PAK2: variants seen among roughly 807,000 people sequenced by gnomAD.
PAK2 encodes the protein serine/threonine-protein kinase PAK 2.
In PAK2, 21 loss-of-function variants were observed where a neutral mutation model predicts 65.9. That is an observed-to-expected ratio of 0.32 (90% CI 0.23 to 0.46). The LOEUF (loss-of-function observed/expected upper bound fraction) is 0.46, where lower values mean the gene tolerates loss of function less well. PAK2 is among the 20% of genes least tolerant of loss of function. The probability of loss-of-function intolerance (pLI) is 1.00; values close to 1 mark genes in which losing one functional copy is unlikely to be tolerated. For missense variants in PAK2, 324 were observed against 642.6 expected (o/e 0.50, Z 5.36); for synonymous variants, 204 against 219.7 (o/e 0.93, Z 0.63).
intron 1 of PAK2, among the ~76,000 whole-genome samples, chr3:196,753,072 G>A (rs1220385616): frequency 2.0e-5 from 3 of 148,422 alleles, no homozygotes; most frequent in Admixed American, 6.7e-5. Flanking sequence ...TCCGCCTCCC[G>A]AGTTCAGGCC....
intron 8 of PAK2, among the ~76,000 whole-genome samples, chr3:196,811,326 C>CCTTCCCTTCCCTCCCTT (rs767093966): frequency 4.5e-4 from 2 of 4,402 alleles, no homozygotes; most frequent in African/African-American, 2.3e-3. Flanking sequence ...TTCCTTCCTT[C>CCTTCCCTTCCCTCCCTT]CCTTCCCTCC....
intron 1 of PAK2, among the ~76,000 whole-genome samples, chr3:196,745,982 CTT>C (rs747502229): frequency 6.9e-6 from 1 of 145,288 alleles, no homozygotes; most frequent in Admixed American, 6.9e-5. Flanking sequence ...AATATTTAAC[CTT>C]TTTTTTTTTT....
At chr3:196,815,367 C>T (rs1478390270) in intron 11 of PAK2, among the ~76,000 whole-genome samples, 5 of 151,552 alleles carry the variant, frequency 3.3e-5, no homozygotes, top group African/African-American at 7.3e-5. Context: ...TGGTGCACGC[C>T]TGTAATCCCA....
chr3:196,776,558 A>G (rs1714541621), intron 1 of PAK2, among the ~76,000 whole-genome samples: 1 of 152,252 alleles, frequency 6.6e-6, no homozygotes, highest in African/African-American at 2.4e-5. Flanking sequence ...AGAGTTTTAG[A>G]AAACTTGTAT....
At chr3:196,746,421 A>G (rs184791748) in intron 1 of PAK2, among the ~76,000 whole-genome samples, 127 of 152,310 alleles carry the variant, frequency 8.3e-4, no homozygotes, top group Non-Finnish European at 2.8e-4. Flanking sequence ...CAAAGGTATC[A>G]CAAGGTATAT....
chr3:196,744,354 T>G (rs941777834), intron 1 of PAK2, among the ~76,000 whole-genome samples: 1 of 152,220 alleles, frequency 6.6e-6, no homozygotes, highest in African/African-American at 2.4e-5. Context: ...ATTTTAAATT[T>G]AAATTCTAAA....
At chr3:196,767,229 A>AG (rs1714198631) in intron 1 of PAK2, among the ~76,000 whole-genome samples, 1 of 152,166 alleles carries the variant, frequency 6.6e-6, no homozygotes, top group South Asian at 2.1e-4. Flanking sequence ...CTACAGTGAC[A>AG]GCCTAGTGCA....
chr3:196,740,863 C>G (rs1713168569), intron 1 of PAK2, among the ~76,000 whole-genome samples: 1 of 151,466 alleles, frequency 6.6e-6, no homozygotes, highest in Non-Finnish European at 1.5e-5. Flanking sequence ...CACACGCACG[C>G]ACAAACACAA....
At chr3:196,800,293 A>C (rs1049476849) in intron 2 of PAK2, among the ~76,000 whole-genome samples, 4 of 152,010 alleles carry the variant, frequency 2.6e-5, no homozygotes, top group African/African-American at 9.7e-5. Flanking sequence ...GAGGTAGGAG[A>C]ATTGCTTGAA....
intron 1 of PAK2, among the ~76,000 whole-genome samples, chr3:196,744,154 T>C (rs1485901829): frequency 6.6e-6 from 1 of 152,120 alleles, no homozygotes; most frequent in Non-Finnish European, 1.5e-5. Context: ...TGAGGATCCT[T>C]TGAGTCCAGG....
chr3:196,777,603 G>C (rs1034824311), intron 1 of PAK2, among the ~76,000 whole-genome samples: 1 of 152,152 alleles, frequency 6.6e-6, no homozygotes, highest in Non-Finnish European at 1.5e-5. Context: ...AAGTGTAAAG[G>C]GTCTTGTGGC....
At chr3:196,761,858 G>A (rs1382985342) in intron 1 of PAK2, among the ~76,000 whole-genome samples, 12 of 149,730 alleles carry the variant, frequency 8.0e-5, no homozygotes, top group African/African-American at 2.9e-4. Context: ...CTCCCTCCCG[G>A]ACGGGGTGGC....
At chr3:196,778,011 A>G (rs191121318) in intron 1 of PAK2, among the ~76,000 whole-genome samples, 82 of 152,210 alleles carry the variant, frequency 5.4e-4, no homozygotes, top group African/African-American at 1.9e-3. Context: ...CGTCCCCCAG[A>G]GAAACTTGAT....
intron 1 of PAK2, among the ~76,000 whole-genome samples, chr3:196,774,107 C>T (rs1044025290): frequency 6.6e-6 from 1 of 152,180 alleles, no homozygotes; most frequent in Admixed American, 6.5e-5. Context: ...CTAATACATG[C>T]ACAGTACCTG....
chr3:196,801,062 G>A (rs1303898467), intron 2 of PAK2, among the ~76,000 whole-genome samples: 1 of 151,946 alleles, frequency 6.6e-6, no homozygotes, highest in African/African-American at 2.4e-5. Flanking sequence ...ATTTACAATC[G>A]GACCATAGAA....
chr3:196,751,448 G>C (rs1284781155), intron 1 of PAK2, among the ~76,000 whole-genome samples: 2 of 151,470 alleles, frequency 1.3e-5, no homozygotes, highest in Non-Finnish European at 2.9e-5. Flanking sequence ...AGGAATTCAA[G>C]ACCAGCCTGG....
chr3:196,786,826 C>G (rs1577721350), intron 2 of PAK2, among the ~76,000 whole-genome samples: 1 of 146,510 alleles, frequency 6.8e-6, no homozygotes, highest in African/African-American at 2.5e-5. Context: ...ATCTTACAAT[C>G]TTTTTTTTTT....
chr3:196,809,270 A>C (rs1309452582), intron 7 of PAK2, among the ~76,000 whole-genome samples: 1 of 148,994 alleles, frequency 6.7e-6, no homozygotes, highest in Non-Finnish European at 1.5e-5. Flanking sequence ...AAATGTTTAT[A>C]TGCCCCATGT....
At chr3:196,777,257 G>A (rs1174899785) in intron 1 of PAK2, among the ~76,000 whole-genome samples, 1 of 152,160 alleles carries the variant, frequency 6.6e-6, no homozygotes, top group Non-Finnish European at 1.5e-5. Context: ...AGGCTGGAGT[G>A]CAGTGGCATG....
Sources: allele counts gnomAD v4.1 joint callset (sites outside exome capture counted in the v4.1 genomes callset), GRCh38; gene constraint gnomAD v4.1.1; transcripts MANE v1.5; gene names NCBI Gene and HGNC (gene_info 2026-07-23, HGNC 2026-07-21).